Variants in ADARB2 observed in about 807,000 individuals in gnomAD.
The protein encoded by ADARB2 is adenosine deaminase RNA specific B2 (inactive), also known as inactive double-stranded RNA-specific editase B2.
In ADARB2, 25 loss-of-function variants were observed where a neutral mutation model predicts 62.2. That is an observed-to-expected ratio of 0.40 (90% CI 0.29 to 0.56). The LOEUF is 0.56. ADARB2 is among the 20% of genes least tolerant of loss of function. The probability of loss-of-function intolerance (pLI) is 0.43; values close to 1 mark genes in which losing one functional copy is unlikely to be tolerated. For missense variants in ADARB2, 1,071 were observed against 1,077.4 expected, an observed-to-expected ratio of 0.99 and a Z score of 0.08; for synonymous variants, 572 against 500.8, an observed-to-expected ratio of 1.14 and a Z score of -1.90.
At position 1,342,097 on chromosome 10, in the gene ADARB2, T is replaced by C. The variant is rs184327987; in HGVS notation, c.1077+20931A>G. ...AGCTGTGCAGGAATGTGTGGTTGGC[T>C]GGCAGTGCCCACATCTTGGGGTGTC... On this transcript the variant is annotated intron_variant, in intron 3 of 9. Transcript: ENST00000381312. Among the ~76,000 whole-genome samples the C allele has an allele frequency of 5.6e-4, 86 of 152,364 alleles. 1 individual carries two copies. Among genetic ancestry groups the C allele is most frequent in the Admixed American group, 3.3e-3 (50 of 15,310 alleles).
chr10:1,358,035 T>G (rs1356267997), intron 3 of ADARB2, among the ~76,000 whole-genome samples: 1 of 152,148 alleles, frequency 6.6e-6, no homozygotes, highest in Non-Finnish European at 1.5e-5. Context: ...ACAAATAGTG[T>G]GTGTGAGAGA....
chr10:1,196,690 AT>A (rs1836916513), intron 8 of ADARB2, among the ~76,000 whole-genome samples: 1 of 152,216 alleles, frequency 6.6e-6, no homozygotes, highest in Admixed American at 6.5e-5. Flanking sequence ...ATCTATAAAA[AT>A]GTCTTATTAA....
chr10:1,299,596 G>A (rs937993320), intron 3 of ADARB2, among the ~76,000 whole-genome samples: 1 of 152,218 alleles, frequency 6.6e-6, no homozygotes, highest in Non-Finnish European at 1.5e-5. Flanking sequence ...GGATGAGGCT[G>A]TGTCCTGCAG....
In ADARB2 at chr10:1,353,601, C is replaced by T. The variant is rs190713963; in HGVS notation, c.1077+9427G>A. Reference sequence around the variant, plus strand: ...CCTTCTCATTATATCAACTCTACTCCGCCCATATTTGGACCTCTCACGACA... The same window carrying T: ...CCTTCTCATTATATCAACTCTACTCTGCCCATATTTGGACCTCTCACGACA... On this transcript the variant is annotated intron_variant, in intron 3 of 9. Coordinates refer to ENST00000381312, the MANE Select transcript of ADARB2 (RefSeq NM_018702.4). Among the ~76,000 whole-genome samples the T allele has an allele frequency of 1.6e-3, 249 of 152,286 alleles. 2 individuals carry two copies. Among genetic ancestry groups the T allele is most frequent in the Non-Finnish European group, 4.6e-4 (31 of 68,038 alleles).
intron 1 of ADARB2, among the ~76,000 whole-genome samples, chr10:1,616,685 C>G (rs1463243299): frequency 1.3e-5 from 2 of 148,496 alleles, no homozygotes; most frequent in East Asian, 4.1e-4. Context: ...GCTCTGCATC[C>G]TGGGAACTGG....
At chr10:1,471,034 G>A (rs965625135) in intron 1 of ADARB2, among the ~76,000 whole-genome samples, 1 of 152,136 alleles carries the variant, frequency 6.6e-6, no homozygotes, top group South Asian at 2.1e-4. Flanking sequence ...ACTCCAGCCT[G>A]GGCAACAGAG....
intron 1 of ADARB2, among the ~76,000 whole-genome samples, chr10:1,445,704 G>A (rs139369293): frequency 3.4e-4 from 52 of 152,298 alleles, no homozygotes; most frequent in African/African-American, 1.1e-3. Flanking sequence ...AGGAGAATAC[G>A]CTTTCAGTGG....
intron 1 of ADARB2, among the ~76,000 whole-genome samples, chr10:1,401,837 T>G (rs1183709196): frequency 1.3e-5 from 2 of 152,174 alleles, no homozygotes; most frequent in Non-Finnish European, 2.9e-5. Flanking sequence ...CAAAGTGTGT[T>G]CTGCCAAACA....
intron 3 of ADARB2, among the ~76,000 whole-genome samples, chr10:1,356,445 G>C (rs150123541): frequency 9.2e-4 from 140 of 152,246 alleles, no homozygotes; most frequent in South Asian, 2.1e-3. Flanking sequence ...GGGGTGAGCT[G>C]GTGGAAAACA....
chr10:1,234,175 T>C (rs1429309440), intron 5 of ADARB2, among the ~76,000 whole-genome samples: 1 of 151,272 alleles, frequency 6.6e-6, no homozygotes, highest in Non-Finnish European at 1.5e-5. Context: ...TTTTAGTAGA[T>C]ACAGGGTTTC....
chr10:1,376,842 G>A (rs936715810), intron 2 of ADARB2, among the ~76,000 whole-genome samples: 1 of 133,654 alleles, frequency 7.5e-6, no homozygotes, highest in Non-Finnish European at 1.6e-5. Context: ...AGGTCCACAC[G>A]TCAGGCTCAG....
chr10:1,493,807 G>A (rs1241543697), intron 1 of ADARB2, among the ~76,000 whole-genome samples: 1 of 125,270 alleles, frequency 8.0e-6, no homozygotes, highest in Non-Finnish European at 1.6e-5. Context: ...CACCCAGGCT[G>A]GAGTGCAATG....
At chr10:1,448,024 G>A (rs1403458939) in intron 1 of ADARB2, among the ~76,000 whole-genome samples, 1 of 152,186 alleles carries the variant, frequency 6.6e-6, no homozygotes, top group Non-Finnish European at 1.5e-5. Flanking sequence ...ATTGTGAATA[G>A]TGCTGCAATG....
At chr10:1,380,622 T>C (rs1020319705) in intron 1 of ADARB2, among the ~76,000 whole-genome samples, 14 of 152,190 alleles carry the variant, frequency 9.2e-5, no homozygotes, top group African/African-American at 1.9e-4. Context: ...AGAGTTCCCA[T>C]TGAAATTCAT....
rs1462835459 is a variant in ADARB2, at chr10:1,209,529, A to T, written c.1682+7422T>A. ...TACACTGTCACCCATGCCCACACCT[A>T]CAGCCTCGCCCACACCCATGCCATC... On this transcript the variant is annotated intron_variant, in intron 7 of 9. Coordinates refer to ENST00000381312, the MANE Select transcript of ADARB2 (RefSeq NM_018702.4). Among the ~76,000 whole-genome samples the T allele has an allele frequency of 4.0e-3, 568 of 142,066 alleles. 3 individuals are homozygous for T. Among genetic ancestry groups the T allele is most frequent in the African/African-American group, 0.014 (531 of 37,396 alleles). The allele number at this position is 142,066 out of a possible 152,430, so 93.2% of individuals were successfully genotyped here. A position where few individuals can be genotyped will look rare whatever the true frequency, so the allele number is the denominator to read the frequency against.
chr10:1,495,598 T>C (rs925859907), intron 1 of ADARB2, among the ~76,000 whole-genome samples: 1 of 71,562 alleles, frequency 1.4e-5, no homozygotes, highest in Non-Finnish European at 3.7e-5. Flanking sequence ...GGTGGTAAGC[T>C]TTAGAGGAGC....
intron 3 of ADARB2, among the ~76,000 whole-genome samples, chr10:1,303,213 G>A (rs1223047198): frequency 2.6e-5 from 4 of 152,064 alleles, no homozygotes; most frequent in African/African-American, 7.2e-5. Flanking sequence ...ACCAAGGCTC[G>A]AGAACTACGT....
In ADARB2 at chr10:1,426,942, A is replaced by T. The variant is rs115488084; in HGVS notation, c.101-47782T>A. Among the ~76,000 whole-genome samples the T allele has an allele frequency of 3.2e-3, 488 of 152,362 alleles. 1 individual carries two copies. The highest frequency in any genetic ancestry group is 0.01 in the African/African-American group (436 of 41,594). ...GGACCCCTGTCCCCAAACCCTGCCC[A>T]TCGGGAAGAGGCCACAGAGCTATGT... On this transcript the variant is annotated intron_variant, in intron 1 of 9. Transcript: ENST00000381312. The surrounding 1 kb of genome is among the most constrained non-coding windows in gnomAD (Gnocchi z 4.1).
At chr10:1,371,784 T>TAAAAAAAAAA (rs71379114) in intron 2 of ADARB2, among the ~76,000 whole-genome samples, 7 of 125,800 alleles carry the variant, frequency 5.6e-5, no homozygotes, top group Non-Finnish European at 8.3e-5. Flanking sequence ...TATTAAAAAG[T>TAAAAAAAAAA]AAAAAAAAAA....
Sources: gnomAD v4.1 joint callset for allele counts (sites outside exome capture counted in the v4.1 genomes callset) on GRCh38, gnomAD v4.1.1 for gene constraint, Gnocchi (gnomAD v3.1) non-coding constraint, MANE v1.5 for transcripts, NCBI Gene and HGNC (gene_info 2026-07-23, HGNC 2026-07-21) for gene names.